Variants in ARID2 observed in about 807,000 individuals in gnomAD.
ARID2 encodes AT-rich interactive domain-containing protein 2.
A neutral mutation model predicts 184.6 loss-of-function variants in ARID2; 32 were observed. The ratio of observed to expected loss-of-function variants is 0.17; its 90% CI spans 0.13 to 0.23. ARID2 has a LOEUF of 0.23. Among genes scored for constraint, ARID2 ranks in the 10% least tolerant of loss-of-function variants. ARID2 has a pLI of 1.00. For missense variants in ARID2, 1,696 were observed against 2,197.6 expected, an observed-to-expected ratio of 0.77 and a Z score of 4.56; for synonymous variants, 836 against 772.6, an observed-to-expected ratio of 1.08 and a Z score of -1.36.
At chr12:45,835,374 C>CT (rs1943199238) in intron 6 of ARID2, among the ~76,000 whole-genome samples, 1 of 151,890 alleles carries the variant, frequency 6.6e-6, no homozygotes, top group Admixed American at 6.6e-5. Flanking sequence ...GTGCCTACTT[C>CT]TTTTTTATTG....
chr12:45,900,467 C>T (rs1308387478), intron 20 of ARID2, among the ~76,000 whole-genome samples: 1 of 152,160 alleles, frequency 6.6e-6, no homozygotes, highest in Non-Finnish European at 1.5e-5. Flanking sequence ...CAGTATCTTT[C>T]AAGCCTGTCA....
rs934209371 is a variant in ARID2, at chr12:45,905,221, C to T, written c.*143C>T. 7 of 748,304 alleles carry T rather than the reference C, an allele frequency of 9.4e-6. No individual in the cohort carries two copies. The highest frequency in any genetic ancestry group is 7.0e-5 in the Admixed American group (2 of 28,758). 46.4% of individuals were successfully genotyped at this position (748,304 alleles called of 1,614,324 possible). A position where few individuals can be genotyped will look rare whatever the true frequency, so the allele number is the denominator to read the frequency against. On this transcript the variant is annotated 3_prime_UTR_variant, in exon 21 of 21. Coordinates refer to ENST00000334344, the MANE Select transcript of ARID2 (RefSeq NM_152641.4). ...CTCCCATGATGCTGAGAGGAAGCTT[C>T]GTATTCTGATCTCTGAGTGAATCCC...
In ARID2 at chr12:45,837,470, T is replaced by C. The variant is rs1457649357; in HGVS notation, c.1121-28T>C. ...CTAAAGTAAACAAACTATCATTTCT[T>C]AGTAATACATATTTGTATGTTTTTC... On this transcript the variant is annotated intron_variant, in intron 9 of 20. Transcript: ENST00000334344. 4.3e-6 allele frequency: 7 copies of C among 1,611,598 alleles called. No individual in the cohort carries two copies. The South Asian group carries it at 7.7e-5, about 18-fold the overall frequency.
chr12:45,767,490 A>G (rs1002594994), intron 3 of ARID2, among the ~76,000 whole-genome samples: 2 of 152,202 alleles, frequency 1.3e-5, no homozygotes, highest in Admixed American at 6.5e-5. Context: ...AAGTGAGGAA[A>G]TAAATCTCTG....
chr12:45,772,845 C>T (rs1363855486), intron 3 of ARID2, among the ~76,000 whole-genome samples: 1 of 152,118 alleles, frequency 6.6e-6, no homozygotes, highest in Admixed American at 6.5e-5. Flanking sequence ...GATAGAACAA[C>T]TTGGCAGATG....
chr12:45,790,813 T>C (rs1007415726), intron 3 of ARID2, among the ~76,000 whole-genome samples: 12 of 152,212 alleles, frequency 7.9e-5, no homozygotes, highest in African/African-American at 2.9e-4. Context: ...TTTCATGTTC[T>C]AAAAGAAAAA....
chr12:45,861,024 C>G (rs1282058902), intron 16 of ARID2, 75 bp downstream of exon 16: 3 of 1,300,792 alleles, frequency 2.3e-6, no homozygotes, highest in Non-Finnish European at 3.0e-6. Flanking sequence ...TTTCTGTCAT[C>G]TATAGTTGCA....
intron 3 of ARID2, among the ~76,000 whole-genome samples, chr12:45,804,433 T>G (rs1942561631): frequency 1.3e-5 from 2 of 151,814 alleles, no homozygotes; most frequent in South Asian, 4.2e-4. Context: ...TAGTCTTGGG[T>G]TGTGGTGGTT....
chr12:45,778,048 A>G (rs1053757831), intron 3 of ARID2, among the ~76,000 whole-genome samples: 1 of 152,012 alleles, frequency 6.6e-6, no homozygotes, highest in Non-Finnish European at 1.5e-5. Flanking sequence ...TCTACTAAAA[A>G]TACAAAAATT....
At chr12:45,738,808 T>TG (rs1941183169) in intron 3 of ARID2, among the ~76,000 whole-genome samples, 2 of 124,976 alleles carry the variant, frequency 1.6e-5, no homozygotes, top group Admixed American at 8.9e-5. Context: ...TTTTTTTTTT[T>TG]TTTTTAAGGC....
intron 3 of ARID2, among the ~76,000 whole-genome samples, chr12:45,758,831 C>G (rs561605903): frequency 6.6e-6 from 1 of 152,242 alleles, no homozygotes; most frequent in Non-Finnish European, 1.5e-5. Flanking sequence ...TATGTCTTTT[C>G]TATTCACATT....
At chr12:45,763,024 A>G (rs1226992759) in intron 3 of ARID2, among the ~76,000 whole-genome samples, 1 of 152,216 alleles carries the variant, frequency 6.6e-6, no homozygotes, top group Admixed American at 6.5e-5. Context: ...ATACTGTGCT[A>G]AGTGTTTTAT....
chr12:45,881,163 T>G (rs1421915058), intron 16 of ARID2: 1 of 152,840 alleles, frequency 6.5e-6, no homozygotes, highest in Non-Finnish European at 1.5e-5. Context: ...GATTTTTGAA[T>G]CCACCCATGT....
At chr12:45,795,330 C>T (rs145517127) in intron 3 of ARID2, among the ~76,000 whole-genome samples, 123 of 152,234 alleles carry the variant, frequency 8.1e-4, no homozygotes, top group Non-Finnish European at 1.4e-3. Flanking sequence ...GATGATACTA[C>T]GCCACAGGAG....
intron 3 of ARID2, among the ~76,000 whole-genome samples, chr12:45,796,268 G>A (rs1305042313): frequency 1.3e-5 from 2 of 151,464 alleles, no homozygotes; most frequent in Non-Finnish European, 2.9e-5. Flanking sequence ...TTTTTACATA[G>A]TATCTAAAAT....
chr12:45,888,650 CCTA>C (rs967858509), intron 16 of ARID2, among the ~76,000 whole-genome samples: 3 of 152,220 alleles, frequency 2.0e-5, no homozygotes, highest in African/African-American at 7.2e-5. Context: ...TTATTTTTGG[CCTA>C]CTATTTTCCA....
In ARID2 at chr12:45,851,866, A is replaced by G; in HGVS notation, c.3743A>G (p.Glu1248Gly). The change falls in exon 15 of 21, where the codon GAG (glutamate) becomes GGG (glycine). Residue 1248 changes from glutamate (E) to glycine (G), a missense_variant. Physicochemically the swap from Glu to Gly is moderately conservative, Grantham distance 98. This residue lies in a region of ARID2 where 428 missense variants were observed against 409.1 expected (regional missense o/e 1.05). Transcript: ENST00000334344. The stretch of plus-strand genomic sequence containing the variant: ...GATAAAATAATTTGCCAAAAGGAGG[A>G]GGAAGCAAAGGAAGCAACAGGTTTA... The part of the protein sequence containing the change: ...KGDKIICQKE[E>G]EAKEATGLHV... 1 of 1,614,202 alleles carries G rather than the reference A, an allele frequency of 6.2e-7. No homozygotes were observed. The highest frequency in any genetic ancestry group is 8.5e-7 in the Non-Finnish European group (1 of 1,180,024).
chr12:45,802,842 A>G (rs1382198882), intron 3 of ARID2, among the ~76,000 whole-genome samples: 1 of 152,166 alleles, frequency 6.6e-6, no homozygotes, highest in African/African-American at 2.4e-5. Flanking sequence ...ATCTTGTAAC[A>G]CTTTTGGCAT....
At chr12:45,765,584 A>G (rs1319956351) in intron 3 of ARID2, among the ~76,000 whole-genome samples, 3 of 151,414 alleles carry the variant, frequency 2.0e-5, no homozygotes, top group African/African-American at 7.3e-5. Context: ...TTCATCAAGT[A>G]TGTGATTCGC....
Sources: allele counts gnomAD v4.1 joint callset (sites outside exome capture counted in the v4.1 genomes callset), GRCh38; gene constraint gnomAD v4.1.1; regional missense constraint gnomAD v4.1.1; transcripts MANE v1.5; gene names NCBI Gene and HGNC (gene_info 2026-07-23, HGNC 2026-07-21).